The following PLEKHA7 variants were observed in gnomAD, a reference collection of about 807,000 sequenced individuals.
PLEKHA7 encodes pleckstrin homology domain-containing family A member 7.
A neutral mutation model predicts 170.0 loss-of-function variants in PLEKHA7; 104 were observed. The observed-to-expected ratio is 0.61, with a 90% confidence interval of 0.52 to 0.72. The LOEUF (loss-of-function observed/expected upper bound fraction) is 0.72. Among genes scored for constraint, PLEKHA7 ranks in the 30% least tolerant of loss-of-function variants. The probability of loss-of-function intolerance (pLI) is 0.00; values close to 1 mark genes in which losing one functional copy is unlikely to be tolerated. For synonymous variants in PLEKHA7, 648 were observed against 660.8 expected (o/e 0.98, Z 0.30); for missense variants, 1,615 against 1,671.7 (o/e 0.97, Z 0.59).
intron 9 of PLEKHA7, among the ~76,000 whole-genome samples, chr11:16,828,889 A>G (rs1303702205): frequency 6.6e-6 from 1 of 152,264 alleles, no homozygotes; most frequent in Non-Finnish European, 1.5e-5. Context: ...GAATGAAGTT[A>G]ACACAAAGGA....
At chr11:16,867,830 C>A (rs576680410) in intron 4 of PLEKHA7, among the ~76,000 whole-genome samples, 1 of 152,196 alleles carries the variant, frequency 6.6e-6, no homozygotes, top group Non-Finnish European at 1.5e-5. Context: ...CACACATGCA[C>A]GTGTACACAC....
intron 13 of PLEKHA7, among the ~76,000 whole-genome samples, chr11:16,806,770 G>A (rs1263942181): frequency 6.6e-6 from 1 of 152,186 alleles, no homozygotes; most frequent in Non-Finnish European, 1.5e-5. Context: ...AGGATACCCT[G>A]GCTCTTGGAA....
intron 3 of PLEKHA7, among the ~76,000 whole-genome samples, chr11:16,990,602 T>A (rs556801931): frequency 1.3e-5 from 2 of 152,212 alleles, no homozygotes; most frequent in Non-Finnish European, 2.9e-5. Flanking sequence ...CACACCATTA[T>A]CAACCTCAAG....
chr11:16,854,200 C>T (rs765223413), intron 6 of PLEKHA7, among the ~76,000 whole-genome samples: 1 of 152,210 alleles, frequency 6.6e-6, no homozygotes, highest in Non-Finnish European at 1.5e-5. Flanking sequence ...GCTCTGGGAA[C>T]TCACAACCCA....
chr11:16,903,585 A>G (rs1409147958), intron 3 of PLEKHA7, among the ~76,000 whole-genome samples: 2 of 152,190 alleles, frequency 1.3e-5, no homozygotes, highest in African/African-American at 2.4e-5. Context: ...TGTATTTCTT[A>G]AAGTCATGAG....
chr11:16,978,694 C>G (rs1016647796), intron 3 of PLEKHA7, among the ~76,000 whole-genome samples: 1 of 152,130 alleles, frequency 6.6e-6, no homozygotes, highest in Non-Finnish European at 1.5e-5. Flanking sequence ...AATGAACATC[C>G]CTGTATGCAT....
chr11:16,826,200 G>A lies in PLEKHA7; in HGVS notation c.1263C>T (p.Asn421=), dbSNP rs1850627012. 2 of 1,614,068 alleles carry A rather than the reference G, an allele frequency of 1.2e-6. No individual in the cohort carries two copies. The highest frequency in any genetic ancestry group is 1.7e-6 in the Non-Finnish European group (2 of 1,180,048). ...GYQRAFPPRT[N]PEKHSQRKSN... ...TCTTCCTTTGGCTGTGTTTTTCAGG[G>A]TTGGTCCTGGGAGGAAAGGCCCGCT... Residue 421 remains asparagine (N), a synonymous_variant, in exon 10 of 27, where the codon AAC becomes AAT. Transcript: ENST00000531066.
At chr11:16,929,058 C>T (rs1020432681) in intron 3 of PLEKHA7, among the ~76,000 whole-genome samples, 2 of 152,142 alleles carry the variant, frequency 1.3e-5, no homozygotes, top group Non-Finnish European at 2.9e-5. Flanking sequence ...GTAATCACAA[C>T]ATAAAATGCT....
At chr11:16,997,859 C>T (rs550118589) in intron 3 of PLEKHA7, among the ~76,000 whole-genome samples, 73 of 152,288 alleles carry the variant, frequency 4.8e-4, no homozygotes, top group African/African-American at 1.6e-3. Flanking sequence ...CTGACCTGTG[C>T]GAAGCTCGAG....
chr11:16,835,980 T>C (rs937351706), intron 9 of PLEKHA7, among the ~76,000 whole-genome samples: 1 of 152,226 alleles, frequency 6.6e-6, no homozygotes, highest in African/African-American at 2.4e-5. Context: ...TGGATAGGGC[T>C]CCACCCCTGG....
At chr11:16,953,124 G>A (rs1861506805) in intron 3 of PLEKHA7, among the ~76,000 whole-genome samples, 1 of 152,220 alleles carries the variant, frequency 6.6e-6, no homozygotes, top group Non-Finnish European at 1.5e-5. Context: ...TGCCTTAAAG[G>A]CTAAGGATTA....
intron 3 of PLEKHA7, among the ~76,000 whole-genome samples, chr11:16,938,923 A>C (rs1044025241): frequency 6.6e-6 from 1 of 152,226 alleles, no homozygotes; most frequent in Non-Finnish European, 1.5e-5. Context: ...GCTTGAATAA[A>C]GCTTTGGACT....
chr11:16,982,094 T>TG (rs933233586), intron 3 of PLEKHA7, among the ~76,000 whole-genome samples: 1 of 152,240 alleles, frequency 6.6e-6, no homozygotes, highest in African/African-American at 2.4e-5. Context: ...CTGGCCAGGC[T>TG]GGGGGGAACA....
At chr11:16,980,587 T>C (rs966656512) in intron 3 of PLEKHA7, among the ~76,000 whole-genome samples, 3 of 152,208 alleles carry the variant, frequency 2.0e-5, no homozygotes, top group Admixed American at 6.5e-5. Context: ...GAGGTAGTTA[T>C]GTTTTTGTTT....
At chr11:16,904,273 T>C (rs1478859063) in intron 3 of PLEKHA7, among the ~76,000 whole-genome samples, 4 of 152,236 alleles carry the variant, frequency 2.6e-5, no homozygotes, top group Admixed American at 6.5e-5. Flanking sequence ...ATTGGGAATA[T>C]AGCTCCTCTA....
chr11:16,953,836 G>A (rs1861544576), intron 3 of PLEKHA7, among the ~76,000 whole-genome samples: 2 of 152,224 alleles, frequency 1.3e-5, no homozygotes, highest in Admixed American at 1.3e-4. Flanking sequence ...AGCAGATTTA[G>A]AGGGTGCTTA....
chr11:16,964,705 T>C (rs1471283317), intron 3 of PLEKHA7, among the ~76,000 whole-genome samples: 1 of 152,144 alleles, frequency 6.6e-6, no homozygotes, highest in Non-Finnish European at 1.5e-5. Context: ...GCACCTGAAA[T>C]TGGAGGTCCA....
intron 4 of PLEKHA7, among the ~76,000 whole-genome samples, chr11:16,870,641 CAAAA>C (rs11321089): frequency 5.1e-4 from 57 of 110,742 alleles, no homozygotes; most frequent in Non-Finnish European, 5.7e-4. Context: ...GACCCTGCCT[CAAAA>C]AAAAAAAAAA....
intron 3 of PLEKHA7, among the ~76,000 whole-genome samples, chr11:16,982,717 C>T (rs74415167): frequency 0.01 from 1,578 of 151,772 alleles, 21 homozygotes; most frequent in African/African-American, 0.036. Flanking sequence ...ACAGGTGGCC[C>T]TCCATGCTTT....
Sources: allele counts gnomAD v4.1 joint callset (sites outside exome capture counted in the v4.1 genomes callset), GRCh38; gene constraint gnomAD v4.1.1; transcripts MANE v1.5; gene names NCBI Gene and HGNC (gene_info 2026-07-23, HGNC 2026-07-21).